Variants in RBFOX1 observed in about 807,000 individuals in gnomAD.
RBFOX1 encodes RNA binding protein fox-1 homolog 1.
RBFOX1 carries 8 observed loss-of-function variants against 57.7 expected under a neutral mutation model. The observed-to-expected ratio is 0.14, with a 90% CI of 0.08 to 0.25. The LOEUF is 0.25. Ranked by LOEUF, RBFOX1 falls within the 10% of genes least tolerant of loss-of-function variation. The pLI is 1.00. For missense variants in RBFOX1, 611 were observed against 548.5 expected (o/e 1.11, Z -1.14); for synonymous variants, 326 against 222.4 (o/e 1.47, Z -4.15).
rs2083904729 is a variant in RBFOX1 at position 7,710,863 on chromosome 16, A to ATTTTTTTTCCTTTTT, written c.*118_*119insTTTTTTTTCCTTTTT. The ATTTTTTTTCCTTTTT allele has an allele frequency of 9.7e-7, 1 of 1,035,834 alleles. No individual in the cohort carries two copies. The highest frequency in any genetic ancestry group is 1.3e-6 in the Non-Finnish European group (1 of 787,512). The allele number at this position is 1,035,834 out of a possible 1,614,324, so 64.2% of individuals were successfully genotyped here. A position where few individuals can be genotyped will look rare whatever the true frequency, so the allele number is the denominator to read the frequency against. ...CAACTCTAAAAAAAAAAAAAATACA[A>ATTTTTTTTCCTTTTT]ATAAAAAGGAAAAAAAATTACATTT... is the stretch of plus-strand genomic sequence containing the variant. On this transcript the variant is annotated 3_prime_UTR_variant, in exon 16 of 16. Coordinates refer to ENST00000550418, the MANE Select transcript of RBFOX1 (RefSeq NM_018723.4).
At chr16:5,908,189 CATATATACAT>C (rs2058516837) in intron 4 of RBFOX1, among the ~76,000 whole-genome samples, 1 of 90,124 alleles carries the variant, frequency 1.1e-5, no homozygotes, top group African/African-American at 4.2e-5. Flanking sequence ...CATATATACA[CATATATACAT>C]ATACACACAT....
At chr16:6,895,940 A>G (rs908605144) in intron 3 of RBFOX1, among the ~76,000 whole-genome samples, 2 of 152,052 alleles carry the variant, frequency 1.3e-5, no homozygotes, top group Admixed American at 6.5e-5. Context: ...TAGTAGGTAT[A>G]TATATATATT....
intron 1 of RBFOX1, among the ~76,000 whole-genome samples, chr16:5,282,015 G>T (rs536826892): frequency 2.0e-5 from 3 of 152,190 alleles, no homozygotes; most frequent in Non-Finnish European, 4.4e-5. Flanking sequence ...TCCCCACTCA[G>T]ATGTCATCTT....
intron 3 of RBFOX1, among the ~76,000 whole-genome samples, chr16:6,999,225 A>ATTTTTTTTTTTTTTTTTTTTTTTTTTTTT (rs200620958): frequency 8.1e-6 from 1 of 122,956 alleles, no homozygotes; most frequent in Non-Finnish European, 1.7e-5. Flanking sequence ...TATTTTTTTT[A>ATTTTTTTTTTTTTTTTTTTTTTTTTTTTT]TTTATTTTTT....
At chr16:5,956,757 C>G (rs1000834558) in intron 4 of RBFOX1, among the ~76,000 whole-genome samples, 1 of 148,654 alleles carries the variant, frequency 6.7e-6, no homozygotes, top group Non-Finnish European at 1.5e-5. Context: ...CAGCCTAGAC[C>G]TCCTGGGGCT....
At position 6,019,629 on chromosome 16, in the gene RBFOX1, T is replaced by G. The variant is rs2095028833; in HGVS notation, c.-490T>G. ...AGTGAGCCGAGCCGAGCACCCCACA[T>G]CTGGAGGGGACAGCCAGCCGTGGGC... is the stretch of plus-strand genomic sequence containing the variant. On this transcript the variant is annotated 5_prime_UTR_variant, in exon 1 of 16. Transcript: ENST00000550418. This position sits in a 1 kb window ranked among gnomAD's most constrained non-coding sequence, Gnocchi z 4.2. The G allele has an allele frequency of 8.6e-6, 11 of 1,280,658 alleles. No individual in the cohort carries two copies. The highest frequency in any genetic ancestry group is 5.1e-5 in the South Asian group (2 of 39,118). The allele number at this position is 1,280,658 out of a possible 1,614,324, so 79.3% of individuals were successfully genotyped here.
At chr16:6,004,266 G>A (rs73522122) in intron 4 of RBFOX1, among the ~76,000 whole-genome samples, 8,233 of 152,176 alleles carry the variant, frequency 0.054, 732 homozygotes, top group African/African-American at 0.19. Flanking sequence ...TTTGCCTGCA[G>A]GCTCTGCTGC....
intron 3 of RBFOX1, among the ~76,000 whole-genome samples, chr16:6,989,351 T>G (rs2153607557): frequency 6.6e-6 from 1 of 152,356 alleles, no homozygotes; most frequent in South Asian, 2.1e-4. Context: ...TATCAGTCTG[T>G]CTTTTGAAGG....
chr16:6,477,373 C>G (rs780907873), intron 2 of RBFOX1, among the ~76,000 whole-genome samples: 3 of 152,204 alleles, frequency 2.0e-5, no homozygotes, highest in Non-Finnish European at 4.4e-5. Flanking sequence ...CTGCAGGAAC[C>G]TATATTGCAT....
chr16:6,140,233 C>G (rs970152479), intron 1 of RBFOX1, among the ~76,000 whole-genome samples: 5 of 151,422 alleles, frequency 3.3e-5, no homozygotes, highest in Non-Finnish European at 5.9e-5. Flanking sequence ...TGCTTCTCAC[C>G]CAGGCTGGAG....
intron 4 of RBFOX1, among the ~76,000 whole-genome samples, chr16:5,908,937 A>G (rs779369780): frequency 2.0e-5 from 3 of 152,078 alleles, no homozygotes; most frequent in Non-Finnish European, 2.9e-5. Context: ...CTGTCTGTCA[A>G]CAGGGGAAGT....
At chr16:7,490,657 G>A (rs1449960069) in intron 4 of RBFOX1, among the ~76,000 whole-genome samples, 1 of 152,190 alleles carries the variant, frequency 6.6e-6, no homozygotes, top group African/African-American at 2.4e-5. Context: ...AAAACAGATT[G>A]TAACTATGGT....
At chr16:5,499,545 G>C (rs745370684) in intron 2 of RBFOX1, among the ~76,000 whole-genome samples, 1 of 151,982 alleles carries the variant, frequency 6.6e-6, no homozygotes, top group Non-Finnish European at 1.5e-5. Context: ...AGATTTAAAC[G>C]CAGGTTTTTC....
Position 5,993,384 on chromosome 16 carries a change from T to TGA in RBFOX1, c.351+126062_351+126063dup, listed in dbSNP as rs1200838900. Reference sequence around the variant, plus strand: ...GTGTGTGTGTGTGTGTGTGTGTGTGTGAGAGAGAGAGAGACAGAGAGAGAG... The same window carrying TGA: ...GTGTGTGTGTGTGTGTGTGTGTGTGTGAGAGAGAGAGAGAGACAGAGAGAGAG... On this transcript the variant is annotated intron_variant, in intron 4 of 19. Transcript: ENST00000641259. Among the ~76,000 whole-genome samples, 706 of 71,136 alleles carry TGA rather than the reference T, an allele frequency of 9.9e-3. 4 individuals are homozygous for TGA. The highest frequency in any genetic ancestry group is 0.018 in the Middle Eastern group (2 of 112). 46.7% of individuals were successfully genotyped at this position (71,136 alleles called of 152,430 possible). A position where few individuals can be genotyped will look rare whatever the true frequency, so the allele number is the denominator to read the frequency against.
At chr16:5,442,314 A>G (rs2068109330) in intron 1 of RBFOX1, among the ~76,000 whole-genome samples, 1 of 152,206 alleles carries the variant, frequency 6.6e-6, no homozygotes, top group African/African-American at 2.4e-5. Context: ...GCGGAGCTGC[A>G]GAGGGAGCCA....
chr16:6,672,750 C>T (rs758622283), intron 3 of RBFOX1, among the ~76,000 whole-genome samples: 2 of 152,142 alleles, frequency 1.3e-5, no homozygotes, highest in Non-Finnish European at 2.9e-5. Context: ...CAGACATCAG[C>T]AGTGTTAGTC....
intron 4 of RBFOX1, among the ~76,000 whole-genome samples, chr16:7,379,405 C>A (rs957157101): frequency 2.8e-4 from 43 of 152,140 alleles, no homozygotes; most frequent in African/African-American, 1.0e-3. Flanking sequence ...AAATAGAACA[C>A]TTGTGTGCAA....
At chr16:5,692,707 T>C (rs968990334) in intron 3 of RBFOX1, among the ~76,000 whole-genome samples, 3 of 152,120 alleles carry the variant, frequency 2.0e-5, no homozygotes, top group African/African-American at 7.2e-5. Context: ...TAGTAGTTCT[T>C]TGTGTACTTG....
intron 1 of RBFOX1, among the ~76,000 whole-genome samples, chr16:5,300,548 T>A (rs2063778724): frequency 6.6e-6 from 1 of 152,208 alleles, no homozygotes; most frequent in South Asian, 2.1e-4. Flanking sequence ...CTCATCTCTA[T>A]TATTTTCTGA....
Sources: gnomAD v4.1 joint callset for allele counts (sites outside exome capture counted in the v4.1 genomes callset) on GRCh38, gnomAD v4.1.1 for gene constraint, Gnocchi (gnomAD v3.1) non-coding constraint, MANE v1.5 for transcripts, NCBI Gene and HGNC (gene_info 2026-07-23, HGNC 2026-07-21) for gene names.